FAM20B: variants seen among roughly 807,000 people sequenced by gnomAD.
FAM20B encodes the protein FAM20B glycosaminoglycan xylosylkinase.
FAM20B carries 23 observed loss-of-function variants against 43.8 expected under a neutral mutation model. That is an observed-to-expected ratio of 0.53 (90% confidence interval 0.38 to 0.74). FAM20B has a LOEUF of 0.74. FAM20B is among the 30% of genes least tolerant of loss of function. The probability of loss-of-function intolerance (pLI) is 0.00; values close to 1 mark genes in which losing one functional copy is unlikely to be tolerated. For missense variants in FAM20B, 440 were observed against 510.5 expected (o/e 0.86, Z 1.33); for synonymous variants, 178 against 192.4 (o/e 0.93, Z 0.62).
At chr1:179,053,656 T>A (rs1376679050) in intron 3 of FAM20B, among the ~76,000 whole-genome samples, 1 of 152,232 alleles carries the variant, frequency 6.6e-6, no homozygotes, top group Non-Finnish European at 1.5e-5. Flanking sequence ...TCTAAGACTG[T>A]GTTTAGGACA....
At chr1:179,066,744 G>A in intron 6 of FAM20B, 56 bp from the exon 7 acceptor site, 1 of 1,197,436 alleles carries the variant, frequency 8.4e-7, no homozygotes, top group Non-Finnish European at 1.2e-6. Context: ...TTGCTTTGAT[G>A]CTAAGAAGAG....
intron 1 of FAM20B, among the ~76,000 whole-genome samples, chr1:179,032,929 C>T (rs1650071423): frequency 6.6e-6 from 1 of 152,118 alleles, no homozygotes; most frequent in Non-Finnish European, 1.5e-5. Context: ...TACTAAAAGA[C>T]TTCTGAATGC....
In FAM20B at chr1:179,064,289, T is replaced by A. The variant is rs768815241; in HGVS notation, c.747-16T>A. On this transcript the variant is annotated splice_polypyrimidine_tract_variant and intron_variant, in intron 5 of 7. Coordinates refer to ENST00000263733, the MANE Select transcript of FAM20B (RefSeq NM_014864.4). ...ACAGTGTTGTCACTCAGTGCTGTGATGCTGCTTGTCTCCAGGTGGGAGTAT... is the reference window on the plus strand; with the variant it reads ...ACAGTGTTGTCACTCAGTGCTGTGAAGCTGCTTGTCTCCAGGTGGGAGTAT... 6.3e-7 allele frequency: 1 copy of A among 1,592,622 alleles called. No individual in the cohort carries two copies. Among genetic ancestry groups the A allele is most frequent in the Non-Finnish European group, 8.6e-7 (1 of 1,165,172 alleles).
At chr1:179,026,504 T>A (rs988510709) in intron 1 of FAM20B, among the ~76,000 whole-genome samples, 1 of 152,020 alleles carries the variant, frequency 6.6e-6, no homozygotes, top group Non-Finnish European at 1.5e-5. Context: ...CCCCGGTGCC[T>A]CTCTTGTGTT....
At chr1:179,050,537 T>A (rs988882284) in intron 3 of FAM20B, among the ~76,000 whole-genome samples, 172 bp downstream of exon 3, 7 of 152,254 alleles carry the variant, frequency 4.6e-5, no homozygotes, top group African/African-American at 1.7e-4. Context: ...ATAATTTGGT[T>A]GGCACCAGGA....
At chr1:179,043,552 A>G (rs1053210800) in intron 1 of FAM20B, among the ~76,000 whole-genome samples, 163 bp from the exon 2 acceptor site, 9 of 152,212 alleles carry the variant, frequency 5.9e-5, no homozygotes, top group Non-Finnish European at 8.8e-5. Context: ...TGCTGCCATC[A>G]TTAGGTCCTT....
At chr1:179,065,641 C>T (rs977596672) in intron 6 of FAM20B, among the ~76,000 whole-genome samples, 1 of 152,132 alleles carries the variant, frequency 6.6e-6, no homozygotes, top group Non-Finnish European at 1.5e-5. Flanking sequence ...ATGGTGATGG[C>T]CACAGAAAAT....
At chr1:179,058,099 A>T (rs894101847) in intron 4 of FAM20B, among the ~76,000 whole-genome samples, 6 of 152,388 alleles carry the variant, frequency 3.9e-5, no homozygotes, top group Admixed American at 3.3e-4. Flanking sequence ...AATAATATTG[A>T]AGTATAATTT....
intron 2 of FAM20B, among the ~76,000 whole-genome samples, chr1:179,046,913 T>C (rs1650797266): frequency 6.6e-6 from 1 of 151,898 alleles, no homozygotes; most frequent in African/African-American, 2.4e-5. Context: ...GGAGAATCGC[T>C]TGAACCCGGA....
At chr1:179,033,859 A>AT (rs1449021290) in intron 1 of FAM20B, among the ~76,000 whole-genome samples, 14 of 151,898 alleles carry the variant, frequency 9.2e-5, no homozygotes, top group African/African-American at 3.4e-4. Context: ...TGCCCAGCTA[A>AT]TTTTTTGTAT....
At position 179,050,266 on chromosome 1, in the gene FAM20B, A is replaced by G. The variant is rs779172644; in HGVS notation, c.378-13A>G. 34 of 1,600,486 alleles carry G rather than the reference A, an allele frequency of 2.1e-5. No homozygotes were observed. In the Admixed American group the frequency reaches 5.0e-4, roughly 24 times the overall value. ...ATCCACGTATACATCTGTGCTTCCC[A>G]TTCACTTTGCAGGTATAGCCGAGAC... On this transcript the variant is annotated splice_polypyrimidine_tract_variant and intron_variant, in intron 2 of 7. Coordinates refer to ENST00000263733, the MANE Select transcript of FAM20B (RefSeq NM_014864.4).
At chr1:179,070,300 C>A (rs1651864327) in intron 7 of FAM20B, among the ~76,000 whole-genome samples, 1 of 152,110 alleles carries the variant, frequency 6.6e-6, no homozygotes, top group African/African-American at 2.4e-5. Context: ...ACCCCTTGGG[C>A]CTCCCAGAGT....
chr1:179,051,270 C>T (rs1165092718), intron 3 of FAM20B, among the ~76,000 whole-genome samples: 1 of 152,220 alleles, frequency 6.6e-6, no homozygotes, highest in East Asian at 1.9e-4. Context: ...TGCTGACCAG[C>T]TCTTTCATAA....
At chr1:179,048,787 G>A (rs1392091768) in intron 2 of FAM20B, among the ~76,000 whole-genome samples, 1 of 152,220 alleles carries the variant, frequency 6.6e-6, no homozygotes, top group Admixed American at 6.5e-5. Context: ...CAACCAGAAG[G>A]TGATACATGG....
chr1:179,044,270 T>G, intron 2 of FAM20B, 46 bp downstream of exon 2: 1 of 1,540,838 alleles, frequency 6.5e-7, no homozygotes, highest in Non-Finnish European at 8.7e-7. Context: ...GGTTGATTCA[T>G]TTAACTTGGG....
At chr1:179,065,070 GCC>G (rs1651633250) in intron 6 of FAM20B, among the ~76,000 whole-genome samples, 1 of 151,162 alleles carries the variant, frequency 6.6e-6, no homozygotes, top group African/African-American at 2.4e-5. Context: ...ATTTTTTTAG[GCC>G]TGAGCTATTT....
At chr1:179,051,619 C>T (rs1239808919) in intron 3 of FAM20B, among the ~76,000 whole-genome samples, 2 of 151,930 alleles carry the variant, frequency 1.3e-5, no homozygotes, top group African/African-American at 4.8e-5. Context: ...AGAGTGGGAC[C>T]CTGTCTCAAT....
intron 7 of FAM20B, 65 bp from the exon 8 acceptor site, chr1:179,071,848 A>G: frequency 9.0e-7 from 1 of 1,112,384 alleles, no homozygotes. Flanking sequence ...TCTGCCTAGC[A>G]GGCTTTCAAC....
intron 1 of FAM20B, among the ~76,000 whole-genome samples, chr1:179,041,758 G>T (rs1650561515): frequency 1.3e-5 from 2 of 152,088 alleles, no homozygotes; most frequent in South Asian, 4.2e-4. Flanking sequence ...AGGGAAAGGG[G>T]AGAGGGGAGA....
Sources: gnomAD v4.1 joint callset for allele counts (sites outside exome capture counted in the v4.1 genomes callset) on GRCh38, gnomAD v4.1.1 for gene constraint, MANE v1.5 for transcripts, NCBI Gene and HGNC (gene_info 2026-07-23, HGNC 2026-07-21) for gene names.